Variants in TLR7 observed in about 807,000 individuals in gnomAD.
TLR7 encodes the protein toll-like receptor 7.
Under a neutral mutation model 38.3 loss-of-function variants are expected in TLR7, and 12 were observed. The ratio of observed to expected loss-of-function variants is 0.31; its 90% CI spans 0.20 to 0.51. The LOEUF (loss-of-function observed/expected upper bound fraction) is 0.51. TLR7 is among the 20% of genes least tolerant of loss of function. The pLI is 0.98. For missense variants in TLR7, 504 were observed against 743.4 expected (o/e 0.68, Z 3.74); for synonymous variants, 285 against 293.8 (o/e 0.97, Z 0.31).
chrX:12,871,685 A>G (rs765137349), intron 2 of TLR7, among the ~76,000 whole-genome samples: 1 of 111,558 alleles, frequency 9.0e-6, no homozygotes, highest in Non-Finnish European at 1.9e-5. Flanking sequence ...TGTGATCTTG[A>G]AAGTCGCTTG....
intron 2 of TLR7, among the ~76,000 whole-genome samples, chrX:12,878,698 G>A (rs1395084262): frequency 1.8e-5 from 2 of 111,542 alleles, no homozygotes; most frequent in Non-Finnish European, 3.8e-5. Context: ...TAGACAGCCT[G>A]AAGTCTAAAG....
chrX:12,874,802 C>G (rs185266306), intron 2 of TLR7, among the ~76,000 whole-genome samples: 84 of 112,068 alleles, frequency 7.5e-4, no homozygotes, highest in African/African-American at 2.4e-3. Flanking sequence ...ACACAAACCA[C>G]TTACCTTCAC....
chrX:12,885,702 C>T lies in TLR7; in HGVS notation c.194C>T (p.Thr65Met), dbSNP rs200329031. 7.4e-6 allele frequency: 9 copies of T among 1,209,732 alleles called. No individual in the cohort carries two copies. Among genetic ancestry groups the T allele is most frequent in the African/African-American group, 5.3e-5 (3 of 57,141 alleles). Reference sequence around the variant, plus strand: ...ACAGAAATTCCTGGAGGTATTCCCACGAACACCACGAACCTCACCCTCACC... The same window carrying T: ...ACAGAAATTCCTGGAGGTATTCCCATGAACACCACGAACCTCACCCTCACC... ...HLTEIPGGIPTNTTNLTLTIN... is the reference protein window; with the variant it reads ...HLTEIPGGIPMNTTNLTLTIN... Residue 65 changes from threonine to methionine, a missense_variant, in exon 3 of 3, where the codon ACG becomes ATG. By Grantham distance (81) the Thr-to-Met change is moderately conservative. Coordinates refer to ENST00000380659, the MANE Select transcript of TLR7 (RefSeq NM_016562.4).
chrX:12,885,330 T>C lies in TLR7; in HGVS notation c.4-182T>C, dbSNP rs2074109. ...AAAAGCTAAATATGTAACTAAATAG[T>C]TGCAAATCTCAGTAACTGACAAATA... On this transcript the variant is annotated intron_variant, in intron 2 of 2. Transcript: ENST00000380659. Among the ~76,000 whole-genome samples the C allele has an allele frequency of 7.0e-3, 782 of 112,394 alleles. 6 individuals are homozygous for C. The highest frequency in any genetic ancestry group is 0.049 in the East Asian group (175 of 3,599).
At chrX:12,876,532 ATATG>A (rs1569107592) in intron 2 of TLR7, among the ~76,000 whole-genome samples, 5 of 112,002 alleles carry the variant, frequency 4.5e-5, no homozygotes, top group Non-Finnish European at 9.4e-5. Context: ...GAGAATATTT[ATATG>A]GCCTTTCAAC....
intron 2 of TLR7, among the ~76,000 whole-genome samples, chrX:12,871,856 T>G (rs1195554855): frequency 1.8e-5 from 2 of 111,576 alleles, no homozygotes; most frequent in African/African-American, 6.5e-5. Flanking sequence ...AATAAAAGCG[T>G]TCCCCAGGCC....
Position 12,867,557 on chromosome X carries a change from C to G in TLR7, c.-22C>G. The G allele has an allele frequency of 8.3e-7, 1 of 1,207,876 alleles. No homozygotes were observed. The highest frequency in any genetic ancestry group is 1.1e-6 in the Non-Finnish European group (1 of 892,363). On this transcript the variant is annotated 5_prime_UTR_variant, in exon 2 of 3. Transcript: ENST00000380659. Reference sequence around the variant, plus strand: ...CTCTCTTCAACCAGACCTCTACATTCCATTTTGGAAGAAGACTAAAAATGG... The same window carrying G: ...CTCTCTTCAACCAGACCTCTACATTGCATTTTGGAAGAAGACTAAAAATGG...
chrX:12,881,140 T>A (rs1462957913), intron 2 of TLR7, among the ~76,000 whole-genome samples: 1 of 109,574 alleles, frequency 9.1e-6, no homozygotes, highest in Non-Finnish European at 1.9e-5. Flanking sequence ...AGCAGGAGAA[T>A]CGCTTGAACC....
rs770716877 is a variant in TLR7, at chrX:12,886,428, C to A, written c.920C>A (p.Pro307Gln). ...LHSNSLQHVP[P>Q]RWFKNINKLQ... Reference sequence around the variant, plus strand: ...AGTAACTCTCTTCAGCATGTGCCCCCAAGATGGTTTAAGAACATCAACAAA... The same window carrying A: ...AGTAACTCTCTTCAGCATGTGCCCCAAAGATGGTTTAAGAACATCAACAAA... Residue 307 changes from proline (P) to glutamine (Q), a missense_variant, in exon 3 of 3, where the codon CCA becomes CAA. Coordinates refer to ENST00000380659, the MANE Select transcript of TLR7 (RefSeq NM_016562.4). The A allele has an allele frequency of 4.1e-6, 5 of 1,211,939 alleles. No homozygotes were observed. The South Asian group carries it at 8.8e-5, about 21-fold the overall frequency.
intron 2 of TLR7, among the ~76,000 whole-genome samples, chrX:12,873,580 CA>C (rs1445888272): frequency 9.0e-6 from 1 of 111,355 alleles, no homozygotes; most frequent in Non-Finnish European, 1.9e-5. Flanking sequence ...TAATAAAAAA[CA>C]ATACATATTA....
chrX:12,888,727 T>C lies in TLR7; in HGVS notation c.*69T>C, dbSNP rs773337198. 2 of 1,061,615 alleles carry C rather than the reference T, an allele frequency of 1.9e-6. No homozygotes were observed. The highest frequency in any genetic ancestry group is 2.5e-6 in the Non-Finnish European group (2 of 794,940). The allele number at this position is 1,061,615 out of a possible 1,213,427, so 87.5% of individuals were successfully genotyped here. On this transcript the variant is annotated 3_prime_UTR_variant, in exon 3 of 3. Transcript: ENST00000380659. ...CCTGGCTGTTTAAATTGTTTTCATATATATCACACCAAAAGCGTGTTTTGA... is the reference window on the plus strand; with the variant it reads ...CCTGGCTGTTTAAATTGTTTTCATACATATCACACCAAAAGCGTGTTTTGA...
chrX:12,882,407 A>C (rs1442041970), intron 2 of TLR7, among the ~76,000 whole-genome samples: 1 of 110,051 alleles, frequency 9.1e-6, no homozygotes, highest in Non-Finnish European at 1.9e-5. Flanking sequence ...GTAATAGTCA[A>C]AGAGAAAAGT....
intron 2 of TLR7, among the ~76,000 whole-genome samples, chrX:12,874,320 A>AAAAT (rs761360227): frequency 5.4e-5 from 6 of 111,343 alleles, no homozygotes; most frequent in African/African-American, 9.8e-5. Context: ...ACTCTGTCTC[A>AAAAT]AAATAAATAA....
At chrX:12,878,477 A>G (rs1309711031) in intron 2 of TLR7, among the ~76,000 whole-genome samples, 1 of 112,206 alleles carries the variant, frequency 8.9e-6, no homozygotes, top group Non-Finnish European at 1.9e-5. Flanking sequence ...TTTACAGAAT[A>G]AGTTTGCTGA....
At chrX:12,876,944 G>A (rs1175726886) in intron 2 of TLR7, among the ~76,000 whole-genome samples, 3 of 108,934 alleles carry the variant, frequency 2.8e-5, no homozygotes, top group Non-Finnish European at 3.8e-5. Context: ...AAAAACCGAA[G>A]CAAAACAAAA....
intron 2 of TLR7, among the ~76,000 whole-genome samples, chrX:12,881,476 AC>A (rs1447796407): frequency 2.3e-4 from 24 of 102,675 alleles, no homozygotes; most frequent in Non-Finnish European, 3.9e-5. Flanking sequence ...TAAATAATAA[AC>A]TGAGTTATTT....
chrX:12,888,324 T>C lies in TLR7; in HGVS notation c.2816T>C (p.Val939Ala), dbSNP rs2042918534. The C allele has an allele frequency of 3.3e-6, 4 of 1,210,007 alleles. No individual in the cohort carries two copies. Among genetic ancestry groups the C allele is most frequent in the Non-Finnish European group, 4.5e-6 (4 of 895,225 alleles). Reference sequence around the variant, plus strand: ...AGGGACTGGTTACCAGGGCAGCCAGTTCTGGAAAACCTTTCCCAGAGCATA... The same window carrying C: ...AGGGACTGGTTACCAGGGCAGCCAGCTCTGGAAAACCTTTCCCAGAGCATA... ...EERDWLPGQP[V>A]LENLSQSIQL... The change falls in exon 3 of 3, where the codon GTT (valine) becomes GCT (alanine). Residue 939 changes from valine to alanine, a missense_variant. Physicochemically the swap from Val to Ala is moderately conservative, Grantham distance 64. Coordinates refer to ENST00000380659, the MANE Select transcript of TLR7 (RefSeq NM_016562.4).
chrX:12,881,358 CCTGAA>C (rs1318304891), intron 2 of TLR7, among the ~76,000 whole-genome samples: 3 of 106,866 alleles, frequency 2.8e-5, no homozygotes, highest in East Asian at 2.9e-4. Context: ...TAGATCTTGA[CCTGAA>C]CTGAAGTTAT....
At chrX:12,873,835 T>C (rs1327189067) in intron 2 of TLR7, among the ~76,000 whole-genome samples, 2 of 112,319 alleles carry the variant, frequency 1.8e-5, no homozygotes, top group East Asian at 5.5e-4. Context: ...TGTAACTTAG[T>C]AGTAGATCAT....
Sources: gnomAD v4.1 joint callset for allele counts (sites outside exome capture counted in the v4.1 genomes callset) on GRCh38, gnomAD v4.1.1 for gene constraint, MANE v1.5 for transcripts, NCBI Gene and HGNC (gene_info 2026-07-23, HGNC 2026-07-21) for gene names.